PTPRD: variants seen among roughly 807,000 people sequenced by gnomAD.
The protein encoded by PTPRD is receptor-type tyrosine-protein phosphatase delta.
PTPRD carries 34 observed loss-of-function variants against 214.5 expected under a neutral mutation model. The observed-to-expected ratio is 0.16, with a 90% CI of 0.12 to 0.21. The LOEUF (loss-of-function observed/expected upper bound fraction) is 0.21. Among genes scored for constraint, PTPRD ranks in the 10% least tolerant of loss-of-function variants. The probability of loss-of-function intolerance (pLI) is 1.00; values close to 1 mark genes in which losing one functional copy is unlikely to be tolerated. For missense variants in PTPRD, 2,545 were observed against 2,398.7 expected, an observed-to-expected ratio of 1.06 and a Z score of -1.27; for synonymous variants, 1,128 against 845.7, an observed-to-expected ratio of 1.33 and a Z score of -5.79.
Position 8,733,835 on chromosome 9 carries a change from G to A in PTPRD, c.9C>T (p.His3=), listed in dbSNP as rs889999666. MV[H]VARLLLLLLT... Reference sequence around the variant, plus strand: ...GGAGCAGCAGCAGCAGCCTGGCTACGTGCACCATCCTGCAGCTTGGCAGCA... The same window carrying A: ...GGAGCAGCAGCAGCAGCCTGGCTACATGCACCATCCTGCAGCTTGGCAGCA... Residue 3 remains histidine (H), a synonymous_variant, in exon 12 of 46, where the codon CAC becomes CAT. Coordinates refer to ENST00000381196, the MANE Select transcript of PTPRD (RefSeq NM_002839.4). The A allele has an allele frequency of 3.2e-5, 49 of 1,551,704 alleles. No homozygotes were observed. The highest frequency in any genetic ancestry group is 4.1e-5 in the African/African-American group (3 of 73,088).
intron 2 of PTPRD, among the ~76,000 whole-genome samples, chr9:10,462,704 T>A (rs2098967560): frequency 6.7e-6 from 1 of 148,992 alleles, no homozygotes; most frequent in South Asian, 2.1e-4. Context: ...GGAAGTAAGA[T>A]ATCTAAAGGA....
intron 8 of PTPRD, among the ~76,000 whole-genome samples, chr9:9,546,778 C>T (rs895362107): frequency 6.6e-6 from 1 of 151,654 alleles, no homozygotes; most frequent in East Asian, 1.9e-4. Flanking sequence ...GTTATTTAAT[C>T]TATAATGAAA....
chr9:8,449,145 T>C (rs1564886406), intron 34 of PTPRD, among the ~76,000 whole-genome samples: 1 of 152,302 alleles, frequency 6.6e-6, no homozygotes, highest in African/African-American at 2.4e-5. Context: ...CAAGTATATT[T>C]TTTGTTATCC....
chr9:10,322,773 A>ATT (rs2154428650), intron 3 of PTPRD, among the ~76,000 whole-genome samples: 1 of 152,142 alleles, frequency 6.6e-6, no homozygotes, highest in East Asian at 2.0e-4. Context: ...GAAATAGTAC[A>ATT]TTTTAAAGGA....
intron 11 of PTPRD, among the ~76,000 whole-genome samples, chr9:8,830,079 C>T (rs924836153): frequency 2.0e-5 from 3 of 152,066 alleles, no homozygotes; most frequent in Admixed American, 6.6e-5. Flanking sequence ...TTGTTCTAGT[C>T]TCCTTACATT....
chr9:8,572,984 A>T (rs1322008834), intron 14 of PTPRD, among the ~76,000 whole-genome samples: 1 of 152,046 alleles, frequency 6.6e-6, no homozygotes, highest in Non-Finnish European at 1.5e-5. Context: ...CTGGTAAAGT[A>T]CATTTAGATT....
At chr9:9,502,541 C>T (rs2096453699) in intron 8 of PTPRD, among the ~76,000 whole-genome samples, 1 of 151,822 alleles carries the variant, frequency 6.6e-6, no homozygotes, top group African/African-American at 2.4e-5. Context: ...TTTCTTATGA[C>T]CTTACACATT....
intron 2 of PTPRD, among the ~76,000 whole-genome samples, chr9:10,391,339 T>G (rs1032904314): frequency 2.6e-5 from 4 of 151,770 alleles, no homozygotes; most frequent in Non-Finnish European, 5.9e-5. Context: ...TTTCTTTTTG[T>G]CTTGATCCAT....
intron 2 of PTPRD, among the ~76,000 whole-genome samples, chr9:10,482,247 T>C (rs1176104941): frequency 2.6e-5 from 4 of 151,978 alleles, no homozygotes; most frequent in South Asian, 2.1e-4. Context: ...GGCGGGTGCC[T>C]GTAGTCCCAG....
At chr9:8,980,531 T>C (rs1031822130) in intron 11 of PTPRD, among the ~76,000 whole-genome samples, 1 of 152,222 alleles carries the variant, frequency 6.6e-6, no homozygotes, top group Non-Finnish European at 1.5e-5. Flanking sequence ...AAAAAGTCTA[T>C]TGGAAAATAA....
chr9:10,095,652 A>G (rs180959542), intron 3 of PTPRD, among the ~76,000 whole-genome samples: 10 of 151,714 alleles, frequency 6.6e-5, no homozygotes, highest in Admixed American at 2.0e-4. Flanking sequence ...TGCACAAAAC[A>G]TATCAATATT....
chr9:9,941,639 A>G (rs1297144167), intron 4 of PTPRD, among the ~76,000 whole-genome samples: 1 of 152,158 alleles, frequency 6.6e-6, no homozygotes, highest in Non-Finnish European at 1.5e-5. Flanking sequence ...GTATATCTAT[A>G]ATAAATTTGT....
At chr9:9,075,464 A>T (rs1028771649) in intron 10 of PTPRD, among the ~76,000 whole-genome samples, 1 of 152,064 alleles carries the variant, frequency 6.6e-6, no homozygotes, top group Non-Finnish European at 1.5e-5. Context: ...CACAACGTGC[A>T]GGTTTGTTAC....
At chr9:10,458,691 G>A (rs1024858552) in intron 2 of PTPRD, among the ~76,000 whole-genome samples, 7 of 152,038 alleles carry the variant, frequency 4.6e-5, no homozygotes, top group Non-Finnish European at 7.4e-5. Context: ...GTACTACAAA[G>A]AGTAGACAAG....
intron 5 of PTPRD, among the ~76,000 whole-genome samples, chr9:9,825,260 G>A (rs974433533): frequency 2.6e-5 from 4 of 151,722 alleles, no homozygotes; most frequent in Admixed American, 2.0e-4. Context: ...AAAGATTTAA[G>A]AGCTTCTCAA....
intron 11 of PTPRD, among the ~76,000 whole-genome samples, chr9:8,853,381 G>A (rs1726917620): frequency 6.6e-6 from 1 of 152,112 alleles, no homozygotes; most frequent in South Asian, 2.1e-4. Context: ...TTTCTTAAGG[G>A]CTTAATTGTG....
At chr9:9,655,277 A>C (rs1348446234) in intron 7 of PTPRD, among the ~76,000 whole-genome samples, 1 of 152,210 alleles carries the variant, frequency 6.6e-6, no homozygotes, top group East Asian at 1.9e-4. Context: ...ATCTGATTAA[A>C]AAATGCTCAA....
chr9:9,239,095 G>A lies in PTPRD; in HGVS notation c.-202-55732C>T, dbSNP rs528822161. Among the ~76,000 whole-genome samples the A allele has an allele frequency of 5.3e-5, 8 of 151,104 alleles. No homozygotes were observed. The South Asian group carries it at 1.3e-3, about 24-fold the overall frequency. ...TGCAATCTCCCTGTGCCCATGAGATGTAAATCTATTACCCTGTCTTCTCTA... is the reference window on the plus strand; with the variant it reads ...TGCAATCTCCCTGTGCCCATGAGATATAAATCTATTACCCTGTCTTCTCTA... On this transcript the variant is annotated intron_variant, in intron 9 of 45. Transcript: ENST00000381196.
In PTPRD at chr9:8,523,494, A is replaced by T. The variant is rs2139074430; in HGVS notation, c.691+19T>A. 1 of 1,612,772 alleles carries T rather than the reference A, an allele frequency of 6.2e-7. No homozygotes were observed. Among genetic ancestry groups the T allele is most frequent in the Non-Finnish European group, 8.5e-7 (1 of 1,179,166 alleles). On this transcript the variant is annotated intron_variant, in intron 19 of 45. Transcript: ENST00000381196. Reference sequence around the variant, plus strand: ...TTAATAGTTTTGTAAGGTGGGTAAAAAGTAAAAAACACACCAACCTTCTCG... The same window carrying T: ...TTAATAGTTTTGTAAGGTGGGTAAATAGTAAAAAACACACCAACCTTCTCG...
Sources: allele counts gnomAD v4.1 joint callset (sites outside exome capture counted in the v4.1 genomes callset), GRCh38; gene constraint gnomAD v4.1.1; transcripts MANE v1.5; gene names NCBI Gene and HGNC (gene_info 2026-07-23, HGNC 2026-07-21).